Variants in GJD3 observed in about 807,000 individuals in gnomAD.
The protein encoded by GJD3 is gap junction protein delta 3.
For synonymous variants in GJD3, 217 were observed against 226.7 expected (o/e 0.96, Z 0.38); for missense variants, 421 against 448.5 (o/e 0.94, Z 0.55).
chr17:40,363,378 G>C lies in GJD3; in HGVS notation c.438C>G (p.Ala146=). ...YLLSVALRLL[A]ELTFLGGQAL... ...CCTGGCCGCCCAGGAAGGTCAGCTC[G>C]GCCAGCAGGCGCAGCGCCACGCTCA... Residue 146 remains alanine, a synonymous_variant, in exon 1 of 1, where the codon GCC becomes GCG. Transcript: ENST00000578689. The surrounding 1 kb of genome is among the most constrained non-coding windows in gnomAD (Gnocchi z 5.5). 7.1e-7 allele frequency: 1 copy of C among 1,398,724 alleles called. No individual in the cohort carries two copies. The highest frequency in any genetic ancestry group is 9.3e-7 in the Non-Finnish European group (1 of 1,075,610). The allele number at this position is 1,398,724 out of a possible 1,614,324, so 86.6% of individuals were successfully genotyped here. A position where few individuals can be genotyped will look rare whatever the true frequency, so the allele number is the denominator to read the frequency against.
rs1294323046 is a variant in GJD3, at chr17:40,363,176, A to G, written c.640T>C (p.Trp214Arg). ...TCCCCGGCGCGCGGGCGGCCCTTCC[A>G]GAGCAGGTGGCCCAGCTCGGCTACG... The part of the protein sequence containing the change: ...LSVAELGHLL[W>R]KGRPRAGERD... Residue 214 changes from tryptophan (W) to arginine (R), a missense_variant, in exon 1 of 1, where the codon TGG becomes CGG. Trp to Arg is a moderately radical substitution (Grantham distance 101, BLOSUM62 -3). Transcript: ENST00000578689. This position sits in a 1 kb window ranked among gnomAD's most constrained non-coding sequence, Gnocchi z 5.5. 3 of 1,440,806 alleles carry G rather than the reference A, an allele frequency of 2.1e-6. No homozygotes were observed. Among genetic ancestry groups the G allele is most frequent in the South Asian group, 1.3e-5 (1 of 74,452 alleles). The allele number at this position is 1,440,806 out of a possible 1,614,324, so 89.3% of individuals were successfully genotyped here. A position where few individuals can be genotyped will look rare whatever the true frequency, so the allele number is the denominator to read the frequency against.
rs906535154 is a variant in GJD3 at position 40,360,942 on chromosome 17, A to G, written c.*1989T>C. On this transcript the variant is annotated 3_prime_UTR_variant, in exon 1 of 1. Transcript: ENST00000578689. ...ATGGCAGTGGTGTAGGCCTGGGGACACCTTCAGTTTCTCATCCAACACATA... is the reference window on the plus strand; with the variant it reads ...ATGGCAGTGGTGTAGGCCTGGGGACGCCTTCAGTTTCTCATCCAACACATA... 4.0e-5 allele frequency: 18 copies of G among 453,698 alleles called. No individual in the cohort carries two copies. Among genetic ancestry groups the G allele is most frequent in the African/African-American group, 3.2e-4 (16 of 49,996 alleles). The allele number at this position is 453,698 out of a possible 1,614,324, so 28.1% of individuals were successfully genotyped here.
At position 40,360,747 on chromosome 17, in the gene GJD3, C is replaced by A; in HGVS notation, c.*2184G>T. ...GCTATTTCCATCGGATGATGCTGAT[C>A]TTGAACATCTTCTGACACACAGTAG... On this transcript the variant is annotated 3_prime_UTR_variant, in exon 1 of 1. Coordinates refer to ENST00000578689, the MANE Select transcript of GJD3 (RefSeq NM_152219.4). The A allele has an allele frequency of 4.4e-6, 1 of 225,558 alleles. No homozygotes were observed. Among genetic ancestry groups the A allele is most frequent in the South Asian group, 4.5e-5 (1 of 22,172 alleles). The allele number at this position is 225,558 out of a possible 1,614,324, so 14.0% of individuals were successfully genotyped here. A position where few individuals can be genotyped will look rare whatever the true frequency, so the allele number is the denominator to read the frequency against.
In GJD3 at chr17:40,362,605, C is replaced by G. The variant is rs1048417970; in HGVS notation, c.*326G>C. Among the ~76,000 whole-genome samples, 9 of 152,246 alleles carry G rather than the reference C, an allele frequency of 5.9e-5. No individual in the cohort carries two copies. The highest frequency in any genetic ancestry group is 2.6e-4 in the Admixed American group (4 of 15,294). On this transcript the variant is annotated 3_prime_UTR_variant, in exon 1 of 1. Transcript: ENST00000578689. ...TTTTGTCCCCAGTAAAACAACCACTCTCCACCTTCCGCTCTGTTCTCCCCC... is the reference window on the plus strand; with the variant it reads ...TTTTGTCCCCAGTAAAACAACCACTGTCCACCTTCCGCTCTGTTCTCCCCC...
Position 40,363,748 on chromosome 17 carries a change from C to T in GJD3, c.68G>A (p.Arg23His). Residue 23 changes from arginine (R) to histidine (H), a missense_variant, in exon 1 of 1, where the codon CGC (arginine) becomes CAC (histidine). By Grantham distance (29) the Arg-to-His change is conservative (BLOSUM62 0). Transcript: ENST00000578689. This position sits in a 1 kb window ranked among gnomAD's most constrained non-coding sequence, Gnocchi z 5.5. ...GATCAGCATGACCACCAGCCAGAGG[C>T]GGCCCACGAGCGGCGACTGCAGCTG... ...AVQLQSPLVGRLWLVVMLIFR... is the reference protein window; with the variant it reads ...AVQLQSPLVGHLWLVVMLIFR... 1.9e-6 allele frequency: 3 copies of T among 1,609,358 alleles called. No individual in the cohort carries two copies. The highest frequency in any genetic ancestry group is 1.7e-6 in the Non-Finnish European group (2 of 1,179,046).
chr17:40,361,934 T>C lies in GJD3; in HGVS notation c.*997A>G, dbSNP rs1193334597. ...GCCCCCGCCTCGCCACAAGGGGTAC[T>C]GTGAGGATGTTGCTCATAGGCTCCC... On this transcript the variant is annotated 3_prime_UTR_variant, in exon 1 of 1. Transcript: ENST00000578689. Among the ~76,000 whole-genome samples the C allele has an allele frequency of 1.5e-5, 2 of 133,684 alleles. No homozygotes were observed. The highest frequency in any genetic ancestry group is 2.8e-5 in the African/African-American group (1 of 35,804). The allele number at this position is 133,684 out of a possible 152,430, so 87.7% of individuals were successfully genotyped here.
Position 40,363,772 on chromosome 17 carries a change from T to C in GJD3, c.44A>G (p.Gln15Arg). Residue 15 changes from glutamine (Q) to arginine (R), a missense_variant, in exon 1 of 1, where the codon CAG (glutamine) becomes CGG (arginine). Transcript: ENST00000578689. This position sits in a 1 kb window ranked among gnomAD's most constrained non-coding sequence, Gnocchi z 5.5. ...GCGGCCCACGAGCGGCGACTGCAGCTGCACGGCGTCCAGCAGCGAGCCCAG... is the reference window on the plus strand; with the variant it reads ...GCGGCCCACGAGCGGCGACTGCAGCCGCACGGCGTCCAGCAGCGAGCCCAG... ...AFLGSLLDAV[Q>R]LQSPLVGRLW... 3 of 1,608,914 alleles carry C rather than the reference T, an allele frequency of 1.9e-6. No homozygotes were observed. Among genetic ancestry groups the C allele is most frequent in the South Asian group, 2.2e-5 (2 of 90,610 alleles).
Position 40,362,138 on chromosome 17 carries a change from G to A in GJD3, c.*793C>T, listed in dbSNP as rs1004521322. The stretch of plus-strand genomic sequence containing the variant: ...ATCGGATCCTGGCCACCCCCGCAGT[G>A]CATATCAGAGATCACACACACACGC... On this transcript the variant is annotated 3_prime_UTR_variant, in exon 1 of 1. Coordinates refer to ENST00000578689, the MANE Select transcript of GJD3 (RefSeq NM_152219.4). Among the ~76,000 whole-genome samples the A allele has an allele frequency of 5.9e-5, 9 of 152,164 alleles. No individual in the cohort carries two copies. Among genetic ancestry groups the A allele is most frequent in the African/African-American group, 1.9e-4 (8 of 41,426 alleles).
rs567452990 is a variant in GJD3 at position 40,363,294 on chromosome 17, C to A, written c.522G>T (p.Pro174=). Residue 174 remains proline, a synonymous_variant, in exon 1 of 1, where the codon CCG becomes CCT. Transcript: ENST00000578689. This position sits in a 1 kb window ranked among gnomAD's most constrained non-coding sequence, Gnocchi z 5.5. ...GGCTCACGAAGCAGTCGACCGTGTG[C>A]GGGCAGGGCGGACCGGCGCACGCGA... is the stretch of plus-strand genomic sequence containing the variant. The part of the protein sequence containing the change: ...PHFACAGPPC[P]HTVDCFVSRP... The A allele has an allele frequency of 7.1e-7, 1 of 1,404,858 alleles. No homozygotes were observed. The highest frequency in any genetic ancestry group is 9.3e-7 in the Non-Finnish European group (1 of 1,073,910). The allele number at this position is 1,404,858 out of a possible 1,614,324, so 87.0% of individuals were successfully genotyped here.
rs2034754021 is a variant in GJD3 at position 40,361,801 on chromosome 17, G to A, written c.*1130C>T. Reference sequence around the variant, plus strand: ...GGACTTTCCCGTTTATAGCCTGGGGGAGCAGTAGCGGCGGGGAGGATGAAG... The same window carrying A: ...GGACTTTCCCGTTTATAGCCTGGGGAAGCAGTAGCGGCGGGGAGGATGAAG... On this transcript the variant is annotated 3_prime_UTR_variant, in exon 1 of 1. Transcript: ENST00000578689. 6.6e-6 allele frequency among the ~76,000 whole-genome samples: 1 copy of A among 152,172 alleles called. No homozygotes were observed. Among genetic ancestry groups the A allele is most frequent in the South Asian group, 2.1e-4 (1 of 4,832 alleles).
rs1234744974 is a variant in GJD3 at position 40,360,976 on chromosome 17, G to A, written c.*1955C>T. 2 of 456,592 alleles carry A rather than the reference G, an allele frequency of 4.4e-6. No individual in the cohort carries two copies. 28.3% of individuals were successfully genotyped at this position (456,592 alleles called of 1,614,324 possible). ...TTCTCATCCAACACATATTTACTGA[G>A]CACATACTACGTGCCATGGAAGGGG... On this transcript the variant is annotated 3_prime_UTR_variant, in exon 1 of 1. Transcript: ENST00000578689.
In GJD3 at chr17:40,363,251, C is replaced by T; in HGVS notation, c.565G>A (p.Val189Ile). Residue 189 changes from valine (V) to isoleucine (I), a missense_variant, in exon 1 of 1, where the codon GTC (valine) becomes ATC (isoleucine). Transcript: ENST00000578689. The surrounding 1 kb of genome is among the most constrained non-coding windows in gnomAD (Gnocchi z 5.5). Reference sequence around the variant, plus strand: ...ACCGCGAAATAGAAGAGCACGAAGACGGTCTTCTCGGTGGGCCGGCTCACG... The same window carrying T: ...ACCGCGAAATAGAAGAGCACGAAGATGGTCTTCTCGGTGGGCCGGCTCACG... ...CFVSRPTEKT[V>I]FVLFYFAVGL... is the part of the protein sequence containing the mutation. 6.9e-7 allele frequency: 1 copy of T among 1,442,278 alleles called. No individual in the cohort carries two copies. The highest frequency in any genetic ancestry group is 2.5e-5 in the Admixed American group (1 of 40,744). 89.3% of individuals were successfully genotyped at this position (1,442,278 alleles called of 1,614,324 possible). A position where few individuals can be genotyped will look rare whatever the true frequency, so the allele number is the denominator to read the frequency against.
At position 40,362,378 on chromosome 17, in the gene GJD3, T is replaced by C. The variant is rs2034759959; in HGVS notation, c.*553A>G. On this transcript the variant is annotated 3_prime_UTR_variant, in exon 1 of 1. Transcript: ENST00000578689. Reference sequence around the variant, plus strand: ...ACACAGCTCACCCGGGAGGGTTACGTGTGTCTGTGTGCACAAGTGGGCCTC... The same window carrying C: ...ACACAGCTCACCCGGGAGGGTTACGCGTGTCTGTGTGCACAAGTGGGCCTC... Among the ~76,000 whole-genome samples, 2 of 152,070 alleles carry C rather than the reference T, an allele frequency of 1.3e-5. No individual in the cohort carries two copies. Among genetic ancestry groups the C allele is most frequent in the African/African-American group, 4.8e-5 (2 of 41,394 alleles).
rs1489003779 is a variant in GJD3, at chr17:40,361,929, G to T, written c.*1002C>A. ...GCCCAGCCCCCGCCTCGCCACAAGG[G>T]GTACTGTGAGGATGTTGCTCATAGG... On this transcript the variant is annotated 3_prime_UTR_variant, in exon 1 of 1. Transcript: ENST00000578689. Among the ~76,000 whole-genome samples, 1 of 144,658 alleles carries T rather than the reference G, an allele frequency of 6.9e-6. No individual in the cohort carries two copies. Among genetic ancestry groups the T allele is most frequent in the Non-Finnish European group, 1.5e-5 (1 of 65,860 alleles). 94.9% of individuals were successfully genotyped at this position (144,658 alleles called of 152,430 possible).
rs910710484 is a variant in GJD3 at position 40,360,829 on chromosome 17, T to A, written c.*2102A>T. ...TCTGGAAAACAGCGGCACAGCCCCA[T>A]CTGGGTTTGTGTGGAGGGGTCTGGG... is the stretch of plus-strand genomic sequence containing the variant. On this transcript the variant is annotated 3_prime_UTR_variant, in exon 1 of 1. Coordinates refer to ENST00000578689, the MANE Select transcript of GJD3 (RefSeq NM_152219.4). 1.2e-4 allele frequency: 39 copies of A among 323,082 alleles called. No homozygotes were observed. Among genetic ancestry groups the A allele is most frequent in the Non-Finnish European group, 2.1e-4 (35 of 165,324 alleles). The allele number at this position is 323,082 out of a possible 1,614,324, so 20.0% of individuals were successfully genotyped here. A position where few individuals can be genotyped will look rare whatever the true frequency, so the allele number is the denominator to read the frequency against.
Position 40,360,920 on chromosome 17 carries a change from G to T in GJD3, c.*2011C>A. The T allele has an allele frequency of 9.0e-6, 4 of 443,826 alleles. No homozygotes were observed. The highest frequency in any genetic ancestry group is 6.4e-5 in the South Asian group (4 of 62,206). 27.5% of individuals were successfully genotyped at this position (443,826 alleles called of 1,614,324 possible). On this transcript the variant is annotated 3_prime_UTR_variant, in exon 1 of 1. Transcript: ENST00000578689. ...ATAGCATGGATAGTGTTCGGGCATGGCAGTGGTGTAGGCCTGGGGACACCT... is the reference window on the plus strand; with the variant it reads ...ATAGCATGGATAGTGTTCGGGCATGTCAGTGGTGTAGGCCTGGGGACACCT...
rs963951530 is a variant in GJD3, at chr17:40,361,690, C to T, written c.*1241G>A. ...GCATAGGCAGCAGCTCTTCGAATGC[C>T]CGCAAGTAGGAAGAAGGGGGTGGTT... On this transcript the variant is annotated 3_prime_UTR_variant, in exon 1 of 1. Transcript: ENST00000578689. Among the ~76,000 whole-genome samples the T allele has an allele frequency of 6.6e-6, 1 of 152,150 alleles. No individual in the cohort carries two copies. Among genetic ancestry groups the T allele is most frequent in the African/African-American group, 2.4e-5 (1 of 41,420 alleles).
chr17:40,362,931 C>A lies in GJD3; in HGVS notation c.885G>T (p.Ter295TyrextTer75). ...AGTCCGCGCGAGGCGGTGCCCGCCC[C>A]TAGATGGCCAGATCTCGGCGGCCGG... is the stretch of plus-strand genomic sequence containing the variant. ...PATGRRDLAI[*>Y] Residue 295 changes from the stop codon to tyrosine, a stop_lost, in exon 1 of 1, where the codon TAG (stop) becomes TAT (tyrosine). Transcript: ENST00000578689. The A allele has an allele frequency of 8.1e-7, 1 of 1,236,966 alleles. No individual in the cohort carries two copies. The highest frequency in any genetic ancestry group is 1.0e-6 in the Non-Finnish European group (1 of 987,786). The allele number at this position is 1,236,966 out of a possible 1,614,324, so 76.6% of individuals were successfully genotyped here. A position where few individuals can be genotyped will look rare whatever the true frequency, so the allele number is the denominator to read the frequency against.
rs1317665521 is a variant in GJD3, at chr17:40,363,283, T to C, written c.533A>G (p.Asp178Gly). 2.1e-6 allele frequency: 3 copies of C among 1,404,600 alleles called. No individual in the cohort carries two copies. The African/African-American group carries it at 4.8e-5, about 23-fold the overall frequency. The allele number at this position is 1,404,600 out of a possible 1,614,324, so 87.0% of individuals were successfully genotyped here. The change falls in exon 1 of 1, where the codon GAC (aspartate) becomes GGC (glycine). Residue 178 changes from aspartate to glycine, a missense_variant. By Grantham distance (94) the Asp-to-Gly change is moderately conservative (BLOSUM62 -1). Transcript: ENST00000578689. This position sits in a 1 kb window ranked among gnomAD's most constrained non-coding sequence, Gnocchi z 5.5. ...CAGPPCPHTV[D>G]CFVSRPTEKT... is the part of the protein sequence containing the mutation. ...CTCGGTGGGCCGGCTCACGAAGCAG[T>C]CGACCGTGTGCGGGCAGGGCGGACC...
Sources: gnomAD v4.1 joint callset for allele counts (sites outside exome capture counted in the v4.1 genomes callset) on GRCh38, gnomAD v4.1.1 for gene constraint, Gnocchi (gnomAD v3.1) non-coding constraint, MANE v1.5 for transcripts, NCBI Gene and HGNC (gene_info 2026-07-23, HGNC 2026-07-21) for gene names.